EIF4B: variants seen among roughly 807,000 people sequenced by gnomAD.
EIF4B encodes the protein eukaryotic translation initiation factor 4B.
In EIF4B, 8 loss-of-function variants were observed where a neutral mutation model predicts 79.3. The observed-to-expected ratio is 0.10, with a 90% CI of 0.06 to 0.18. The LOEUF (loss-of-function observed/expected upper bound fraction) is 0.18, where lower values mean the gene tolerates loss of function less well. EIF4B is among the 10% of genes least tolerant of loss of function. EIF4B has a pLI of 1.00. For synonymous variants in EIF4B, 238 were observed against 274.7 expected (o/e 0.87, Z 1.32); for missense variants, 515 against 792.4 (o/e 0.65, Z 4.20).
rs1370413206 is a variant in EIF4B, at chr12:53,039,736, C to T, written c.1755+34C>T. On this transcript the variant is annotated intron_variant, in intron 14 of 14. Coordinates refer to ENST00000262056, the MANE Select transcript of EIF4B (RefSeq NM_001417.7). ...TGAAGGCTGCTCCCAATTTTTCATT[C>T]TAAGAAAAATTCTTAGAATTCTAAG... 2.5e-6 allele frequency: 4 copies of T among 1,591,334 alleles called. No homozygotes were observed. In the South Asian group the frequency reaches 4.5e-5, roughly 18 times the overall value.
At chr12:53,018,049 G>C (rs1216634594) in intron 2 of EIF4B, among the ~76,000 whole-genome samples, 1 of 152,146 alleles carries the variant, frequency 6.6e-6, no homozygotes, top group Non-Finnish European at 1.5e-5. Context: ...TAGTGCAGTG[G>C]CACAATATCT....
Position 53,028,022 on chromosome 12 carries a change from T to C in EIF4B, c.813T>C (p.Asp271=), listed in dbSNP as rs778941175. 2 of 1,611,366 alleles carry C rather than the reference T, an allele frequency of 1.2e-6. No homozygotes were observed. The highest frequency in any genetic ancestry group is 1.7e-6 in the Non-Finnish European group (2 of 1,178,414). The change falls in exon 8 of 15, where the codon GAT becomes GAC. Residue 271 remains aspartate, a synonymous_variant. Coordinates refer to ENST00000262056, the MANE Select transcript of EIF4B (RefSeq NM_001417.7). The part of the protein sequence containing the change: ...RGSRDYDRGY[D]SRIGSGRRAF... ...TTTGGGATATATTTACAGGCTATGATTCCCGGATAGGCAGTGGCAGAAGAG... is the reference window on the plus strand; with the variant it reads ...TTTGGGATATATTTACAGGCTATGACTCCCGGATAGGCAGTGGCAGAAGAG...
chr12:53,030,495 C>T (rs1331246768), intron 8 of EIF4B, among the ~76,000 whole-genome samples: 2 of 127,516 alleles, frequency 1.6e-5, no homozygotes, highest in Non-Finnish European at 3.2e-5. Flanking sequence ...GATCTCGGCT[C>T]ACTGCAACCT....
chr12:53,029,783 C>T (rs1265387419), intron 8 of EIF4B, among the ~76,000 whole-genome samples: 3 of 152,130 alleles, frequency 2.0e-5, no homozygotes, highest in Admixed American at 1.3e-4. Flanking sequence ...ATCTGGACAA[C>T]TAATAAAACA....
intron 8 of EIF4B, 139 bp downstream of exon 8, chr12:53,028,327 A>G: frequency 1.6e-6 from 2 of 1,219,478 alleles, no homozygotes; most frequent in Non-Finnish European, 1.1e-6. Context: ...CATAGTAGAA[A>G]GAGCATTGGC....
At chr12:53,019,435 A>ATTTTTTTTTTTCTTT (rs759250282) in intron 3 of EIF4B, among the ~76,000 whole-genome samples, 3 of 39,468 alleles carry the variant, frequency 7.6e-5, no homozygotes, top group Non-Finnish European at 1.2e-4. Context: ...ATATATATAT[A>ATTTTTTTTTTTCTTT]TATTTTTTTT....
intron 4 of EIF4B, 71 bp from the exon 5 acceptor site, chr12:53,021,735 C>T (rs749119783): frequency 3.1e-5 from 48 of 1,558,462 alleles, no homozygotes; most frequent in Admixed American, 1.7e-4. Context: ...TATGCCCAGA[C>T]GTTCAAGGTC....
chr12:53,018,644 C>G (rs1217504697), intron 2 of EIF4B, 154 bp from the exon 3 acceptor site: 3 of 655,222 alleles, frequency 4.6e-6, no homozygotes, highest in South Asian at 3.9e-5. Flanking sequence ...AGCTTCTCTT[C>G]GTAAAGTGCC....
At chr12:53,039,147 GCA>G (rs1171804870) in intron 12 of EIF4B, 89 bp from the exon 13 acceptor site, 3 of 927,024 alleles carry the variant, frequency 3.2e-6, no homozygotes, top group African/African-American at 1.6e-5. Flanking sequence ...GTACATGTGG[GCA>G]CAATTTTCTT....
At chr12:53,008,300 T>C (rs1050313822) in intron 1 of EIF4B, among the ~76,000 whole-genome samples, 3 of 152,242 alleles carry the variant, frequency 2.0e-5, no homozygotes, top group Admixed American at 6.5e-5. Context: ...TCCCATTCTC[T>C]TGTTCTTCCA....
intron 2 of EIF4B, among the ~76,000 whole-genome samples, chr12:53,017,989 A>G (rs185047571): frequency 1.3e-5 from 2 of 152,114 alleles, no homozygotes; most frequent in East Asian, 3.9e-4. Flanking sequence ...TTGTTGTGAT[A>G]TTTTTGTTTG....
intron 5 of EIF4B, 181 bp from the exon 6 acceptor site, chr12:53,022,312 G>A (rs1051048343): frequency 3.6e-5 from 30 of 826,930 alleles, no homozygotes; most frequent in African/African-American, 1.2e-4. Flanking sequence ...AGGAAAAAAC[G>A]GGAGGAAAAG....
chr12:53,008,274 G>C (rs1043790568), intron 1 of EIF4B, among the ~76,000 whole-genome samples: 1 of 152,160 alleles, frequency 6.6e-6, no homozygotes, highest in Non-Finnish European at 1.5e-5. Flanking sequence ...ACTGATAAAA[G>C]GGATTTACTC....
chr12:53,033,666 A>G (rs1223020913), intron 8 of EIF4B, 140 bp from the exon 9 acceptor site: 16 of 919,958 alleles, frequency 1.7e-5, no homozygotes, highest in Non-Finnish European at 2.4e-5. Flanking sequence ...CTAATGATCT[A>G]TTTGCCTTCT....
At chr12:53,022,694 G>A (rs992723528) in intron 6 of EIF4B, 67 bp downstream of exon 6, 2 of 1,546,796 alleles carry the variant, frequency 1.3e-6, no homozygotes, top group African/African-American at 1.4e-5. Context: ...TAGGACAAAT[G>A]TGTTACAGAT....
At chr12:53,014,774 G>A (rs1943121774) in intron 1 of EIF4B, 1 of 152,190 alleles carries the variant, frequency 6.6e-6, no homozygotes. Context: ...ATTGGAACAT[G>A]GAGGAGAAAT....
chr12:53,015,749 G>A (rs1257246249), intron 1 of EIF4B, among the ~76,000 whole-genome samples: 2 of 151,206 alleles, frequency 1.3e-5, no homozygotes, highest in Admixed American at 6.6e-5. Flanking sequence ...GGCCGAGGCA[G>A]GAGGATCACC....
chr12:53,039,843 T>G, intron 14 of EIF4B, 141 bp downstream of exon 14: 1 of 954,198 alleles, frequency 1.0e-6, no homozygotes, highest in African/African-American at 1.8e-5. Flanking sequence ...ACAAAGTGTT[T>G]GGAAATAAGA....
At chr12:53,021,953 G>A in intron 5 of EIF4B, 93 bp downstream of exon 5, 6 of 1,460,906 alleles carry the variant, frequency 4.1e-6, no homozygotes, top group Non-Finnish European at 5.7e-6. Flanking sequence ...GGTAGTGGTG[G>A]GCCTGCCTGA....
Sources: allele counts gnomAD v4.1 joint callset (sites outside exome capture counted in the v4.1 genomes callset), GRCh38; gene constraint gnomAD v4.1.1; transcripts MANE v1.5; gene names NCBI Gene and HGNC (gene_info 2026-07-23, HGNC 2026-07-21).